Variants in ZDHHC21 observed in about 807,000 individuals in gnomAD.
ZDHHC21 encodes the protein palmitoyltransferase ZDHHC21.
ZDHHC21 carries 15 observed loss-of-function variants against 34.6 expected under a neutral mutation model. That is an observed-to-expected ratio of 0.43 (90% CI 0.29 to 0.67). The LOEUF (loss-of-function observed/expected upper bound fraction) is 0.67. ZDHHC21 is among the 30% of genes least tolerant of loss of function. ZDHHC21 has a pLI of 0.14. For synonymous variants in ZDHHC21, 142 were observed against 101.8 expected (o/e 1.40, Z -2.38); for missense variants, 344 against 327.7 (o/e 1.05, Z -0.38).
intron 8 of ZDHHC21, among the ~76,000 whole-genome samples, chr9:14,620,289 TA>T (rs961854707): frequency 4.7e-5 from 7 of 148,198 alleles, no homozygotes; most frequent in Admixed American, 6.8e-5. Flanking sequence ...CACAAATATG[TA>T]AAAAAAAAAA....
At chr9:14,655,288 T>C (rs1037539562) in intron 7 of ZDHHC21, among the ~76,000 whole-genome samples, 1 of 150,894 alleles carries the variant, frequency 6.6e-6, no homozygotes, top group South Asian at 2.1e-4. Context: ...GAAGGAGAAA[T>C]AAAAGCATCT....
intron 7 of ZDHHC21, among the ~76,000 whole-genome samples, chr9:14,648,737 A>G (rs1830695634): frequency 6.6e-6 from 1 of 152,130 alleles, no homozygotes; most frequent in Admixed American, 6.6e-5. Flanking sequence ...GGGGAAGTGA[A>G]TAGACACTCA....
At chr9:14,623,986 C>G (rs1825769122) in intron 8 of ZDHHC21, among the ~76,000 whole-genome samples, 1 of 152,092 alleles carries the variant, frequency 6.6e-6, no homozygotes. Context: ...AACAAAACTA[C>G]TATATGATCC....
intron 7 of ZDHHC21, among the ~76,000 whole-genome samples, chr9:14,640,659 G>C (rs922833098): frequency 4.6e-5 from 7 of 152,050 alleles, no homozygotes; most frequent in African/African-American, 1.7e-4. Flanking sequence ...AAGAAGTACA[G>C]TTTATTTAGA....
the ZDHHC21 span, among the ~76,000 whole-genome samples, chr9:14,596,597 A>C: frequency 6.6e-6 from 1 of 152,154 alleles, no homozygotes. Flanking sequence ...GAAAAGATGA[A>C]AACTAGCAAG....
At chr9:14,690,234 G>C (rs1838967943) in intron 2 of ZDHHC21, 103 bp downstream of exon 2, 1 of 396,354 alleles carries the variant, frequency 2.5e-6, no homozygotes. Context: ...AGATTGGTGG[G>C]GGGTTGGGGG....
intron 5 of ZDHHC21, among the ~76,000 whole-genome samples, chr9:14,669,055 G>A (rs1414646231): frequency 7.3e-6 from 1 of 136,056 alleles, no homozygotes; most frequent in Non-Finnish European, 1.6e-5. Context: ...TACCATCAGA[G>A]TGAACAGGCA....
chr9:14,593,048 A>G, the ZDHHC21 span, among the ~76,000 whole-genome samples: 2 of 152,136 alleles, frequency 1.3e-5, no homozygotes, highest in Non-Finnish European at 2.9e-5. Flanking sequence ...AAAAATCTAT[A>G]TTAGAAAAAA....
rs578206200 is a variant in ZDHHC21 at position 14,616,363 on chromosome 9, C to T, written c.*2603G>A. ...ATTGACAGCAAGAATATAATGGGAACGTACATAAATGAAGCAAAGCAGTCA... is the reference window on the plus strand; with the variant it reads ...ATTGACAGCAAGAATATAATGGGAATGTACATAAATGAAGCAAAGCAGTCA... On this transcript the variant is annotated 3_prime_UTR_variant, in exon 10 of 10. Transcript: ENST00000380916. 1.3e-5 allele frequency: 2 copies of T among 151,778 alleles called. No homozygotes were observed. The highest frequency in any genetic ancestry group is 3.0e-5 in the Non-Finnish European group (2 of 67,734). 9.4% of individuals were successfully genotyped at this position (151,778 alleles called of 1,614,324 possible). A position where few individuals can be genotyped will look rare whatever the true frequency, so the allele number is the denominator to read the frequency against.
chr9:14,692,337 G>T (rs1839277726), intron 1 of ZDHHC21, among the ~76,000 whole-genome samples: 1 of 152,126 alleles, frequency 6.6e-6, no homozygotes, highest in African/African-American at 2.4e-5. Context: ...TAGCATAGTA[G>T]GCTGAGGACC....
intron 2 of ZDHHC21, among the ~76,000 whole-genome samples, chr9:14,685,238 A>G (rs563882221): frequency 6.8e-4 from 103 of 151,942 alleles, no homozygotes; most frequent in African/African-American, 2.4e-3. Context: ...CTGCACAGCA[A>G]AAGAAACTAC....
At chr9:14,652,151 A>T (rs1301708442) in intron 7 of ZDHHC21, among the ~76,000 whole-genome samples, 1 of 151,974 alleles carries the variant, frequency 6.6e-6, no homozygotes, top group East Asian at 1.9e-4. Flanking sequence ...ATCTCCATTT[A>T]TTTAGAAAAC....
intron 5 of ZDHHC21, among the ~76,000 whole-genome samples, chr9:14,667,487 C>A (rs1337564584): frequency 1.3e-5 from 2 of 149,342 alleles, no homozygotes; most frequent in Non-Finnish European, 3.0e-5. Context: ...GGAATCCTCC[C>A]TAACTCATTT....
intron 7 of ZDHHC21, among the ~76,000 whole-genome samples, chr9:14,640,364 C>T (rs1230265068): frequency 6.8e-6 from 1 of 146,852 alleles, no homozygotes; most frequent in African/African-American, 2.5e-5. Flanking sequence ...AAACAAAACA[C>T]AGATGGTTGT....
At chr9:14,619,219 A>G in intron 9 of ZDHHC21, 121 bp from the exon 10 acceptor site, 6 of 1,072,492 alleles carry the variant, frequency 5.6e-6, no homozygotes, top group Non-Finnish European at 2.6e-6. Context: ...TCCCAGCATC[A>G]TAAATACAGC....
chr9:14,667,150 A>C (rs1834596594), intron 5 of ZDHHC21, among the ~76,000 whole-genome samples: 1 of 133,218 alleles, frequency 7.5e-6, no homozygotes, highest in Non-Finnish European at 1.6e-5. Flanking sequence ...AGATGCAATA[A>C]AAAATGATAA....
At chr9:14,641,031 G>C (rs12554698) in intron 7 of ZDHHC21, among the ~76,000 whole-genome samples, 57,419 of 151,938 alleles carry the variant, frequency 0.38, 11,103 homozygotes, top group Non-Finnish European at 0.4. Flanking sequence ...TGGATGGAAA[G>C]GACACCCAAA....
chr9:14,632,944 G>C (rs932178923), intron 8 of ZDHHC21, among the ~76,000 whole-genome samples: 3 of 152,166 alleles, frequency 2.0e-5, no homozygotes, highest in East Asian at 1.9e-4. Flanking sequence ...AGAGGAATTA[G>C]AACCCTCAAA....
At chr9:14,597,874 C>G in the ZDHHC21 span, among the ~76,000 whole-genome samples, 1 of 152,112 alleles carries the variant, frequency 6.6e-6, no homozygotes, top group Non-Finnish European at 1.5e-5. Context: ...GACACATCAT[C>G]TGGGTACCTG....
Sources: gnomAD v4.1 joint callset for allele counts (sites outside exome capture counted in the v4.1 genomes callset) on GRCh38, gnomAD v4.1.1 for gene constraint, MANE v1.5 for transcripts, NCBI Gene and HGNC (gene_info 2026-07-23, HGNC 2026-07-21) for gene names.